IGSF21: variants seen among roughly 807,000 people sequenced by gnomAD.
IGSF21 encodes the protein immunoglobulin superfamily member 21.
A neutral mutation model predicts 46.8 loss-of-function variants in IGSF21; 28 were observed. That is an observed-to-expected ratio of 0.60 (90% CI 0.44 to 0.82). The LOEUF (loss-of-function observed/expected upper bound fraction) is 0.82. Among genes scored for constraint, IGSF21 ranks in the 40% least tolerant of loss-of-function variants. The pLI, the probability that IGSF21 is intolerant of heterozygous loss-of-function variation, is 0.00. For missense variants in IGSF21, 624 were observed against 665.5 expected (o/e 0.94, Z 0.69); for synonymous variants, 284 against 273.6 (o/e 1.04, Z -0.38).
intron 1 of IGSF21, chr1:18,179,049 C>T (rs572886174): frequency 1.3e-5 from 2 of 152,302 alleles, no homozygotes; most frequent in Admixed American, 6.5e-5. Flanking sequence ...GTGGGGGACT[C>T]ACCAATAGAT....
rs561790571 is a variant in IGSF21 at position 18,364,096 on chromosome 1, C to T, written c.541-1127C>T. 4.6e-5 allele frequency among the ~76,000 whole-genome samples: 7 copies of T among 152,208 alleles called. No individual in the cohort carries two copies. The South Asian group carries it at 1.2e-3, about 27-fold the overall frequency. On this transcript the variant is annotated intron_variant, in intron 5 of 9. Transcript: ENST00000251296. ...CTGTAGGAAGACCCCTCCTACCCAG[C>T]CTGTCTGCCTGCCCCAACATTTGCG...
intron 2 of IGSF21, among the ~76,000 whole-genome samples, chr1:18,264,529 G>A (rs908566894): frequency 6.6e-6 from 1 of 152,182 alleles, no homozygotes; most frequent in Admixed American, 6.5e-5. Context: ...GACGGAGGGA[G>A]CCCAGAGCAG....
intron 4 of IGSF21, among the ~76,000 whole-genome samples, chr1:18,352,220 C>A (rs2085965299): frequency 6.6e-6 from 1 of 152,236 alleles, no homozygotes; most frequent in South Asian, 2.1e-4. Context: ...CAGTAATCAT[C>A]TTCACTCCTG....
chr1:18,368,799 C>T (rs2086195232), intron 6 of IGSF21, among the ~76,000 whole-genome samples: 1 of 152,158 alleles, frequency 6.6e-6, no homozygotes, highest in African/African-American at 2.4e-5. Flanking sequence ...CACCCTTGCC[C>T]CACCCCACCA....
At chr1:18,171,409 T>C (rs12735570) in intron 1 of IGSF21, among the ~76,000 whole-genome samples, 10,669 of 152,058 alleles carry the variant, frequency 0.07, 427 homozygotes, top group Middle Eastern at 0.17. Flanking sequence ...GAACAGGAAG[T>C]GCCTGAAGGT....
rs775029337 is a variant in IGSF21, at chr1:18,376,878, G to A, written c.1180G>A (p.Gly394Arg). The stretch of plus-strand genomic sequence containing the variant: ...CCTGGACGGCAGCGCTGAGTTCGAC[G>A]GGAAGGAGCTGGTGCTGGAGCGGGT... ...RLLDGSAEFD[G>R]KELVLERVPA... Residue 394 changes from glycine (G) to arginine (R), a missense_variant, in exon 8 of 10, where the codon GGG becomes AGG. Transcript: ENST00000251296. The A allele has an allele frequency of 8.7e-6, 14 of 1,612,818 alleles. No individual in the cohort carries two copies. Among genetic ancestry groups the A allele is most frequent in the East Asian group, 2.2e-5 (1 of 44,842 alleles).
At chr1:18,348,637 A>G (rs2085920043) in intron 4 of IGSF21, among the ~76,000 whole-genome samples, 1 of 152,196 alleles carries the variant, frequency 6.6e-6, no homozygotes, top group Non-Finnish European at 1.5e-5. Context: ...TGGAAGTTAC[A>G]GGTGTTAACA....
intron 2 of IGSF21, among the ~76,000 whole-genome samples, chr1:18,265,620 C>A (rs2084982766): frequency 6.6e-6 from 1 of 152,192 alleles, no homozygotes; most frequent in Non-Finnish European, 1.5e-5. Context: ...CTACACCAGT[C>A]CGGTTTCCAG....
At chr1:18,139,384 G>A (rs2086395112) in intron 1 of IGSF21, among the ~76,000 whole-genome samples, 1 of 152,150 alleles carries the variant, frequency 6.6e-6, no homozygotes, top group Non-Finnish European at 1.5e-5. Flanking sequence ...GGCCAGTTGG[G>A]TTCCTGAGCA....
intron 1 of IGSF21, among the ~76,000 whole-genome samples, chr1:18,168,305 G>A (rs1402675142): frequency 6.6e-6 from 1 of 152,182 alleles, no homozygotes. Context: ...GGAGTTCAGG[G>A]TGATATACGG....
chr1:18,303,993 C>A (rs545676682), intron 3 of IGSF21, among the ~76,000 whole-genome samples: 2 of 152,114 alleles, frequency 1.3e-5, no homozygotes, highest in Non-Finnish European at 2.9e-5. Context: ...TTTACACTGC[C>A]AAATGATGAA....
chr1:18,211,196 G>T (rs915651826), intron 1 of IGSF21, among the ~76,000 whole-genome samples: 3 of 152,190 alleles, frequency 2.0e-5, no homozygotes, highest in African/African-American at 4.8e-5. Flanking sequence ...TCTAACGGCT[G>T]CTAGAGTGGA....
At chr1:18,294,502 T>A (rs1190037997) in intron 3 of IGSF21, among the ~76,000 whole-genome samples, 3 of 152,192 alleles carry the variant, frequency 2.0e-5, no homozygotes, top group East Asian at 1.9e-4. Flanking sequence ...GAGGTCAAAG[T>A]TCAGCAGGCC....
chr1:18,178,037 G>A (rs1223505982), intron 1 of IGSF21, among the ~76,000 whole-genome samples: 1 of 152,076 alleles, frequency 6.6e-6, no homozygotes, highest in African/African-American at 2.4e-5. Context: ...AGCTGTAACA[G>A]ATATAACCTT....
chr1:18,318,406 C>T (rs1463177516), intron 3 of IGSF21, among the ~76,000 whole-genome samples: 1 of 152,170 alleles, frequency 6.6e-6, no homozygotes, highest in African/African-American at 2.4e-5. Context: ...TGCTGAGCCA[C>T]AGATCACTTC....
chr1:18,140,684 T>G (rs2086407798), intron 1 of IGSF21, among the ~76,000 whole-genome samples: 1 of 152,248 alleles, frequency 6.6e-6, no homozygotes, highest in South Asian at 2.1e-4. Flanking sequence ...GACATCCTTC[T>G]GGACTCAGCT....
intron 1 of IGSF21, among the ~76,000 whole-genome samples, chr1:18,146,368 G>C (rs1336744887): frequency 6.6e-6 from 1 of 152,096 alleles, no homozygotes; most frequent in Non-Finnish European, 1.5e-5. Flanking sequence ...TATGGAGGTG[G>C]GGCAACGTGA....
intron 2 of IGSF21, among the ~76,000 whole-genome samples, chr1:18,286,939 T>C (rs796949838): frequency 3.3e-5 from 5 of 152,260 alleles, no homozygotes; most frequent in African/African-American, 1.2e-4. Flanking sequence ...CCCAGCACTT[T>C]GGGAGGCCGA....
At chr1:18,171,756 A>C (rs1481533291) in intron 1 of IGSF21, among the ~76,000 whole-genome samples, 1 of 152,172 alleles carries the variant, frequency 6.6e-6, no homozygotes, top group Non-Finnish European at 1.5e-5. Flanking sequence ...CAAAACTTTA[A>C]TTTTGTTGAG....
Sources: gnomAD v4.1 joint callset for allele counts (sites outside exome capture counted in the v4.1 genomes callset) on GRCh38, gnomAD v4.1.1 for gene constraint, MANE v1.5 for transcripts, NCBI Gene and HGNC (gene_info 2026-07-23, HGNC 2026-07-21) for gene names.